FAM114A2: variants seen among roughly 807,000 people sequenced by gnomAD.
FAM114A2 encodes the protein family with sequence similarity 114 member A2.
In FAM114A2, 53 loss-of-function variants were observed where a neutral mutation model predicts 58.4. That is an observed-to-expected ratio of 0.91 (90% CI 0.73 to 1.14). The LOEUF is 1.14. FAM114A2 is among the 50% of genes most tolerant of loss of function. The pLI, the probability that FAM114A2 is intolerant of heterozygous loss-of-function variation, is 0.00. For missense variants in FAM114A2, 601 were observed against 581.1 expected, an observed-to-expected ratio of 1.03 and a Z score of -0.35; for synonymous variants, 228 against 211.4, an observed-to-expected ratio of 1.08 and a Z score of -0.68.
chr5:154,032,549 C>A (rs1161913964), intron 4 of FAM114A2, among the ~76,000 whole-genome samples: 1 of 152,174 alleles, frequency 6.6e-6, no homozygotes, highest in Non-Finnish European at 1.5e-5. Context: ...ACTCTCTCAG[C>A]ATCTCTTGCT....
intron 8 of FAM114A2, among the ~76,000 whole-genome samples, chr5:154,021,154 A>G (rs1771391096): frequency 6.6e-6 from 1 of 152,238 alleles, no homozygotes; most frequent in African/African-American, 2.4e-5. Flanking sequence ...TCTCAAAATA[A>G]TAAGAGCTAT....
Position 154,002,842 on chromosome 5 carries a change from G to T in FAM114A2, c.1116+5C>A, listed in dbSNP as rs916579006. The T allele has an allele frequency of 6.2e-7, 1 of 1,613,870 alleles. No individual in the cohort carries two copies. Among genetic ancestry groups the T allele is most frequent in the South Asian group, 1.1e-5 (1 of 91,062 alleles). ...AAACAAAAAAGGCTTAGTTGCTTTG[G>T]CTACCTCTATTGAATTTTTGTTGAC... On this transcript the variant is annotated splice_donor_5th_base_variant and intron_variant, in intron 10 of 13. Coordinates refer to ENST00000351797, the MANE Select transcript of FAM114A2 (RefSeq NM_018691.4).
At chr5:153,996,715 C>T (rs986221033) in intron 12 of FAM114A2, among the ~76,000 whole-genome samples, 3 of 151,138 alleles carry the variant, frequency 2.0e-5, no homozygotes, top group African/African-American at 7.3e-5. Flanking sequence ...TCAACATTGG[C>T]GCTGGGCACG....
At chr5:154,004,470 C>T (rs528896309) in intron 9 of FAM114A2, among the ~76,000 whole-genome samples, 13 of 152,292 alleles carry the variant, frequency 8.5e-5, no homozygotes, top group African/African-American at 3.1e-4. Flanking sequence ...CCTGACCTCT[C>T]CTGAAAACTT....
intron 8 of FAM114A2, among the ~76,000 whole-genome samples, chr5:154,012,583 A>T (rs1339552628): frequency 6.6e-6 from 1 of 152,188 alleles, no homozygotes; most frequent in Non-Finnish European, 1.5e-5. Flanking sequence ...GGAATAAAAC[A>T]GTGTATCTTG....
chr5:154,001,555 G>A (rs1581769185), intron 11 of FAM114A2, among the ~76,000 whole-genome samples: 2 of 152,318 alleles, frequency 1.3e-5, no homozygotes, highest in Non-Finnish European at 1.5e-5. Context: ...GCAGAAGACT[G>A]ACAGCCCCTC....
chr5:154,020,419 G>A (rs1047239592), intron 8 of FAM114A2, among the ~76,000 whole-genome samples: 2 of 151,890 alleles, frequency 1.3e-5, no homozygotes, highest in Admixed American at 6.6e-5. Context: ...TAACAAAGAA[G>A]AGAGAAGAAT....
In FAM114A2 at chr5:153,997,249, CCTAG is replaced by C. The variant is rs1769628800; in HGVS notation, c.1329+550_1329+553del. ...ACCCATATGACCCAGCAATTCCACTCCTAGCTATCTACCCAAGAGAAATGGAAAC... is the reference window on the plus strand; with the variant it reads ...ACCCATATGACCCAGCAATTCCACTCCTATCTACCCAAGAGAAATGGAAAC... On this transcript the variant is annotated intron_variant, in intron 12 of 13. Transcript: ENST00000351797. 2.0e-5 allele frequency among the ~76,000 whole-genome samples: 3 copies of C among 152,112 alleles called. 1 individual carries two copies. Among genetic ancestry groups the C allele is most frequent in the African/African-American group, 7.2e-5 (3 of 41,408 alleles).
At chr5:154,021,334 C>T (rs1160415137) in intron 8 of FAM114A2, among the ~76,000 whole-genome samples, 4 of 151,974 alleles carry the variant, frequency 2.6e-5, no homozygotes, top group Non-Finnish European at 4.4e-5. Context: ...GGGTATTCGA[C>T]TAGGAAAAGA....
intron 11 of FAM114A2, among the ~76,000 whole-genome samples, chr5:153,998,987 T>C (rs1769777294): frequency 6.6e-6 from 1 of 152,214 alleles, no homozygotes; most frequent in Admixed American, 6.5e-5. Context: ...ATGAATTTTC[T>C]ATCCGTAAAA....
rs1396550166 is a variant in FAM114A2, at chr5:153,997,994, T to A, written c.1257-119A>T. On this transcript the variant is annotated intron_variant, in intron 11 of 13. Transcript: ENST00000351797. ...GTACTAAATGTGAAAGAAGAAAGCT[T>A]TTCAAGGGAGTAAATACAGTATCCC... 11 of 632,658 alleles carry A rather than the reference T, an allele frequency of 1.7e-5. No homozygotes were observed. The East Asian group carries it at 2.3e-4, about 13-fold the overall frequency. The allele number at this position is 632,658 out of a possible 1,614,324, so 39.2% of individuals were successfully genotyped here.
chr5:154,031,311 CCAAAAAAAAAAAAAAAAGCCTTAAAGCAT>C (rs1249975555), intron 4 of FAM114A2, among the ~76,000 whole-genome samples: 11 of 4,238 alleles, frequency 2.6e-3, no homozygotes, highest in African/African-American at 0.021. Context: ...GACTCCCTCT[CCAAAAAAAAAAAAAAAAGCCTTAAAGCAT>C]CAATTTAAGT....
At chr5:154,027,780 C>T (rs1192720733) in intron 6 of FAM114A2, among the ~76,000 whole-genome samples, 4 of 152,112 alleles carry the variant, frequency 2.6e-5, no homozygotes, top group Non-Finnish European at 5.9e-5. Context: ...GTATTACAGC[C>T]GTGAGCCACC....
chr5:154,022,181 C>G (rs1024365443), intron 8 of FAM114A2, among the ~76,000 whole-genome samples: 1 of 152,082 alleles, frequency 6.6e-6, no homozygotes, highest in African/African-American at 2.4e-5. Context: ...CCATAAAAAC[C>G]CTAGAAGAAA....
intron 9 of FAM114A2, among the ~76,000 whole-genome samples, chr5:154,006,244 G>A (rs141038270): frequency 6.6e-6 from 1 of 152,330 alleles, no homozygotes; most frequent in African/African-American, 2.4e-5. Flanking sequence ...CAGTGCTGGG[G>A]ATTCAATGGT....
chr5:153,997,579 G>A (rs1256308896), intron 12 of FAM114A2, among the ~76,000 whole-genome samples: 2 of 152,164 alleles, frequency 1.3e-5, no homozygotes, highest in East Asian at 1.9e-4. Flanking sequence ...GGTGCGTAGG[G>A]CTGGGGAAAT....
chr5:154,016,090 T>C (rs930060972), intron 8 of FAM114A2, among the ~76,000 whole-genome samples: 3 of 151,974 alleles, frequency 2.0e-5, no homozygotes, highest in Non-Finnish European at 4.4e-5. Context: ...AAAGAAAATA[T>C]GAACAAAGCA....
intron 9 of FAM114A2, among the ~76,000 whole-genome samples, chr5:154,004,863 T>C (rs901822703): frequency 6.6e-6 from 1 of 152,142 alleles, no homozygotes; most frequent in Non-Finnish European, 1.5e-5. Flanking sequence ...GGCTGACCAT[T>C]CCTCTTTCCT....
chr5:154,019,641 G>A (rs1023811695), intron 8 of FAM114A2, among the ~76,000 whole-genome samples: 1 of 152,122 alleles, frequency 6.6e-6, no homozygotes, highest in African/African-American at 2.4e-5. Context: ...TATACTATAA[G>A]ACCATAGTCA....
Sources: allele counts gnomAD v4.1 joint callset (sites outside exome capture counted in the v4.1 genomes callset), GRCh38; gene constraint gnomAD v4.1.1; transcripts MANE v1.5; gene names NCBI Gene and HGNC (gene_info 2026-07-23, HGNC 2026-07-21).